ABCC8: variants seen among roughly 807,000 people sequenced by gnomAD.
ABCC8 encodes ATP binding cassette subfamily C member 8, also known as ATP-binding cassette sub-family C member 8.
ABCC8 carries 137 observed loss-of-function variants against 188.0 expected under a neutral mutation model. That is an observed-to-expected ratio of 0.73 (90% CI 0.63 to 0.84). The LOEUF is 0.84. Ranked by LOEUF, ABCC8 falls within the 40% of genes least tolerant of loss-of-function variation. The pLI, the probability that ABCC8 is intolerant of heterozygous loss-of-function variation, is 0.00. For synonymous variants in ABCC8, 797 were observed against 846.5 expected (o/e 0.94, Z 1.01); for missense variants, 1,750 against 2,072.7 (o/e 0.84, Z 3.02).
Position 17,470,142 on chromosome 11 carries a change from T to A in ABCC8, c.371A>T (p.Tyr124Phe), listed in dbSNP as rs1278920115. ...FMAAVTSVVY[Y>F]HNIETSNFPK... is the part of the protein sequence containing the mutation. ...GAAGTTGGAAGTCTCGATGTTGTGA[T>A]AGTAGACCACGGAGGTGACAGCAGC... Residue 124 changes from tyrosine to phenylalanine, a missense_variant, in exon 3 of 39, where the codon TAT becomes TTT. By Grantham distance (22) the Tyr-to-Phe change is conservative. Coordinates refer to ENST00000389817, the MANE Select transcript of ABCC8 (RefSeq NM_000352.6). 1.2e-6 allele frequency: 2 copies of A among 1,614,016 alleles called. No homozygotes were observed. Among genetic ancestry groups the A allele is most frequent in the Non-Finnish European group, 1.7e-6 (2 of 1,180,046 alleles).
In ABCC8 at chr11:17,406,871, T is replaced by C. The variant is rs1401217017; in HGVS notation, c.3162+17A>G. 6.2e-7 allele frequency: 1 copy of C among 1,613,984 alleles called. No homozygotes were observed. Among genetic ancestry groups the C allele is most frequent in the African/African-American group, 1.3e-5 (1 of 74,930 alleles). ...CCATCCCCACTCCCAACCTCTGCCA[T>C]GGGCCGCCAGTCACACCTGGCTGAG... On this transcript the variant is annotated intron_variant, in intron 25 of 38. Transcript: ENST00000389817.
intron 16 of ABCC8, among the ~76,000 whole-genome samples, chr11:17,419,689 A>G (rs1394744630): frequency 3.3e-5 from 5 of 152,156 alleles, no homozygotes; most frequent in Non-Finnish European, 7.4e-5. Context: ...AGAGCCTCAT[A>G]GAAGAAGTCA....
Position 17,471,666 on chromosome 11 carries a change from G to A in ABCC8, c.291-1444C>T, listed in dbSNP as rs148467665. On this transcript the variant is annotated intron_variant, in intron 2 of 38. Transcript: ENST00000389817. Reference sequence around the variant, plus strand: ...CTCTGTCATAAAGGAGAGGCATGTCGGCAGCATGCCCTCTCTGCTCATGCT... The same window carrying A: ...CTCTGTCATAAAGGAGAGGCATGTCAGCAGCATGCCCTCTCTGCTCATGCT... Among the ~76,000 whole-genome samples the A allele has an allele frequency of 9.1e-4, 138 of 152,300 alleles. 1 individual carries two copies. The Middle Eastern group carries it at 0.014, about 15-fold the overall frequency.
chr11:17,453,462 T>G, intron 6 of ABCC8, 179 bp from the exon 7 acceptor site: 1 of 349,764 alleles, frequency 2.9e-6, no homozygotes, highest in Non-Finnish European at 4.0e-6. Flanking sequence ...CTAAACGTTT[T>G]TCTAACTACA....
intron 22 of ABCC8, chr11:17,410,106 C>A (rs931816600): frequency 2.4e-5 from 4 of 165,226 alleles, no homozygotes; most frequent in Non-Finnish European, 5.3e-5. Flanking sequence ...ATATGATTCC[C>A]GGGGTGGTGC....
chr11:17,450,344 T>C (rs1171968975), intron 7 of ABCC8, among the ~76,000 whole-genome samples: 6 of 143,896 alleles, frequency 4.2e-5, no homozygotes, highest in Admixed American at 7.3e-5. Context: ...CTCTTTCCTT[T>C]CTTTCTTTCT....
intron 6 of ABCC8, among the ~76,000 whole-genome samples, chr11:17,460,018 G>C (rs916707624): frequency 6.6e-6 from 1 of 152,130 alleles, no homozygotes; most frequent in Non-Finnish European, 1.5e-5. Context: ...AGCTCCACTC[G>C]TGAGGGTTTC....
chr11:17,475,424 A>G (rs1848708473), intron 1 of ABCC8, among the ~76,000 whole-genome samples: 1 of 151,930 alleles, frequency 6.6e-6, no homozygotes, highest in Admixed American at 6.6e-5. Flanking sequence ...GGGTCTCACT[A>G]TGTTGCCCAG....
At chr11:17,412,096 G>A (rs1163391139) in intron 21 of ABCC8, among the ~76,000 whole-genome samples, 1 of 152,032 alleles carries the variant, frequency 6.6e-6, no homozygotes, top group African/African-American at 2.4e-5. Context: ...GTTTCACCGT[G>A]TTGGCCAGGA....
intron 2 of ABCC8, among the ~76,000 whole-genome samples, chr11:17,472,921 G>A (rs1848557989): frequency 6.6e-6 from 1 of 152,166 alleles, no homozygotes; most frequent in African/African-American, 2.4e-5. Context: ...CATAAGGCCA[G>A]AGAGCAGTCA....
intron 4 of ABCC8, among the ~76,000 whole-genome samples, chr11:17,462,326 A>C (rs962000343): frequency 3.3e-5 from 5 of 152,202 alleles, no homozygotes; most frequent in African/African-American, 1.2e-4. Flanking sequence ...GGGACACATA[A>C]GGAGCTTTGT....
chr11:17,410,550 G>T lies in ABCC8; in HGVS notation c.2660C>A (p.Thr887Asn), dbSNP rs1278667394. ...RDDKRTVVLV[T>N]HKLQYLPHAD... The stretch of plus-strand genomic sequence containing the variant: ...ATGGGGCAGGTACTGTAGCTTGTGG[G>T]TCACTAAGACCACTGTCCTCTTGTC... Residue 887 changes from threonine (T) to asparagine (N), a missense_variant, in exon 22 of 39, where the codon ACC becomes AAC. Thr to Asn is a moderately conservative substitution (Grantham distance 65). Coordinates refer to ENST00000389817, the MANE Select transcript of ABCC8 (RefSeq NM_000352.6). 1.2e-6 allele frequency: 2 copies of T among 1,614,016 alleles called. No individual in the cohort carries two copies. Among genetic ancestry groups the T allele is most frequent in the African/African-American group, 2.7e-5 (2 of 74,898 alleles).
At chr11:17,417,238 T>C (rs1955124924) in intron 16 of ABCC8, among the ~76,000 whole-genome samples, 1 of 152,162 alleles carries the variant, frequency 6.6e-6, no homozygotes, top group Admixed American at 6.5e-5. Flanking sequence ...ATCAGGAGCA[T>C]TTTATAGTTG....
At chr11:17,417,943 G>T (rs1208709626) in intron 16 of ABCC8, among the ~76,000 whole-genome samples, 1 of 151,948 alleles carries the variant, frequency 6.6e-6, no homozygotes, top group Non-Finnish European at 1.5e-5. Context: ...GTAGAGACAG[G>T]AGTCTCATTC....
intron 2 of ABCC8, among the ~76,000 whole-genome samples, chr11:17,472,844 T>C (rs1429838151): frequency 6.6e-6 from 1 of 152,110 alleles, no homozygotes; most frequent in Non-Finnish European, 1.5e-5. Context: ...CTGCACCCTG[T>C]CCATGCTCGA....
chr11:17,396,451 A>G (rs1301457564), intron 33 of ABCC8: 8 of 290,996 alleles, frequency 2.7e-5, no homozygotes, highest in Admixed American at 9.6e-5. Context: ...AATGACATGG[A>G]CAGCCACAGC....
At position 17,460,675 on chromosome 11, in the gene ABCC8, C is replaced by G; in HGVS notation, c.824G>C (p.Arg275Pro). 6.2e-7 allele frequency: 1 copy of G among 1,607,706 alleles called. No individual in the cohort carries two copies. The highest frequency in any genetic ancestry group is 8.5e-7 in the Non-Finnish European group (1 of 1,179,986). The change falls in exon 6 of 39, where the codon CGG (arginine) becomes CCG (proline). Residue 275 changes from arginine (R) to proline (P), a missense_variant and splice_region_variant. Transcript: ENST00000389817. Reference protein sequence around the residue: ...RLCEAFDAQVRKDIQGTQGAR... With the variant: ...RLCEAFDAQVPKDIQGTQGAR... ...ACCTTGAGTGCCCTGAATGTCCTTCCGCTGCCCAGAGAGACCATGGCCAGG... is the reference window on the plus strand; with the variant it reads ...ACCTTGAGTGCCCTGAATGTCCTTCGGCTGCCCAGAGAGACCATGGCCAGG...
intron 3 of ABCC8, among the ~76,000 whole-genome samples, chr11:17,465,177 G>A (rs77168556): frequency 0.027 from 4,132 of 152,272 alleles, 76 homozygotes; most frequent in Non-Finnish European, 0.04. Flanking sequence ...TGGTCTCTAG[G>A]ACTGGAGGAA....
chr11:17,438,696 C>T (rs887436211), intron 10 of ABCC8, among the ~76,000 whole-genome samples: 1 of 152,228 alleles, frequency 6.6e-6, no homozygotes, highest in African/African-American at 2.4e-5. Flanking sequence ...TCTCCAGCTT[C>T]CTCCCACTTT....
Sources: allele counts gnomAD v4.1 joint callset (sites outside exome capture counted in the v4.1 genomes callset), GRCh38; gene constraint gnomAD v4.1.1; transcripts MANE v1.5; gene names NCBI Gene and HGNC (gene_info 2026-07-23, HGNC 2026-07-21).